Variants in KCNH8 observed in about 807,000 individuals in gnomAD.
The protein encoded by KCNH8 is voltage-gated delayed rectifier potassium channel KCNH8.
Under a neutral mutation model 103.6 loss-of-function variants are expected in KCNH8, and 70 were observed. The observed-to-expected ratio is 0.68, with a 90% CI of 0.56 to 0.82. KCNH8 has a LOEUF of 0.82. KCNH8 is among the 40% of genes least tolerant of loss of function. KCNH8 has a pLI of 0.00. For synonymous variants in KCNH8, 498 were observed against 489.4 expected, an observed-to-expected ratio of 1.02 and a Z score of -0.23; for missense variants, 1,217 against 1,329.9, an observed-to-expected ratio of 0.92 and a Z score of 1.32.
At chr3:19,524,060 A>G (rs1575173452) in intron 15 of KCNH8, among the ~76,000 whole-genome samples, 1 of 152,004 alleles carries the variant, frequency 6.6e-6, no homozygotes, top group East Asian at 1.9e-4. Flanking sequence ...AAATGCCTAC[A>G]GAAGAAACAG....
intron 11 of KCNH8, among the ~76,000 whole-genome samples, chr3:19,501,926 G>A (rs529267044): frequency 3.3e-5 from 5 of 152,110 alleles, no homozygotes; most frequent in African/African-American, 9.7e-5. Flanking sequence ...TTCTGGCCAG[G>A]GCAATTAGGA....
chr3:19,435,738 A>G (rs556986802), intron 7 of KCNH8, among the ~76,000 whole-genome samples: 52 of 152,340 alleles, frequency 3.4e-4, no homozygotes, highest in African/African-American at 1.1e-3. Context: ...GTGGTTTTTC[A>G]TATTACTGAA....
At chr3:19,496,512 T>C (rs868788057) in intron 11 of KCNH8, among the ~76,000 whole-genome samples, 9 of 152,220 alleles carry the variant, frequency 5.9e-5, no homozygotes, top group African/African-American at 1.7e-4. Flanking sequence ...TTTGTGTATG[T>C]TGAACCAACT....
intron 5 of KCNH8, among the ~76,000 whole-genome samples, chr3:19,353,820 G>A (rs904523862): frequency 6.6e-6 from 1 of 152,082 alleles, no homozygotes; most frequent in East Asian, 1.9e-4. Context: ...TTGAAAACTA[G>A]CACAAGACAA....
In KCNH8 at chr3:19,533,895, A is replaced by G. The variant is rs1422876903; in HGVS notation, c.3120A>G (p.Thr1040=). 1 of 1,614,124 alleles carries G rather than the reference A, an allele frequency of 6.2e-7. No individual in the cohort carries two copies. Among genetic ancestry groups the G allele is most frequent in the South Asian group, 1.1e-5 (1 of 91,086 alleles). The change falls in exon 16 of 16, where the codon ACA becomes ACG. Residue 1040 remains threonine, a synonymous_variant. Coordinates refer to ENST00000328405, the MANE Select transcript of KCNH8 (RefSeq NM_144633.3). ...LSSSVCSSSE[T]SLHLVLPSRS... ...CTTCTGTCTGCTCCTCTTCGGAAAC[A>G]TCTTTGCACCTAGTTCTCCCAAGCA...
rs2063644485 is a variant in KCNH8 at position 19,200,290 on chromosome 3, A to G, written c.76+51495A>G. Among the ~76,000 whole-genome samples the G allele has an allele frequency of 2.0e-5, 3 of 152,060 alleles. No individual in the cohort carries two copies. In the South Asian group the frequency reaches 6.2e-4, roughly 32 times the overall value. ...TGGCTGAAAATGTATTCAGACCGAA[A>G]CATAAGCACAAATAACTGGTAGTTT... On this transcript the variant is annotated intron_variant, in intron 1 of 15. Transcript: ENST00000328405.
intron 3 of KCNH8, among the ~76,000 whole-genome samples, chr3:19,299,093 A>G (rs901414271): frequency 6.6e-6 from 1 of 152,164 alleles, no homozygotes; most frequent in Admixed American, 6.5e-5. Context: ...GAAAGGTGAC[A>G]CTGACAGTGT....
chr3:19,165,716 T>G (rs2063276615), intron 1 of KCNH8, among the ~76,000 whole-genome samples: 1 of 152,192 alleles, frequency 6.6e-6, no homozygotes, highest in Non-Finnish European at 1.5e-5. Flanking sequence ...AGACTTGTTT[T>G]CTATGTTAGT....
chr3:19,212,045 G>A (rs2063776294), intron 1 of KCNH8, among the ~76,000 whole-genome samples: 2 of 152,172 alleles, frequency 1.3e-5, no homozygotes, highest in South Asian at 4.1e-4. Context: ...GAATAGGTCA[G>A]AAGATCAGGG....
At chr3:19,190,339 G>A (rs924358156) in intron 1 of KCNH8, among the ~76,000 whole-genome samples, 3 of 151,882 alleles carry the variant, frequency 2.0e-5, no homozygotes, top group South Asian at 2.1e-4. Context: ...CCAAGGTCTT[G>A]CCAAGAGCAA....
chr3:19,498,161 G>A (rs2068485800), intron 11 of KCNH8, among the ~76,000 whole-genome samples: 1 of 151,988 alleles, frequency 6.6e-6, no homozygotes, highest in Non-Finnish European at 1.5e-5. Context: ...TCTTGAAGAT[G>A]GCATACCAGG....
In KCNH8 at chr3:19,312,972, G is replaced by A. The variant is rs2065225445; in HGVS notation, c.443-29615G>A. Among the ~76,000 whole-genome samples the A allele has an allele frequency of 2.0e-5, 3 of 151,952 alleles. No individual in the cohort carries two copies. In the South Asian group the frequency reaches 6.2e-4, roughly 31 times the overall value. The stretch of plus-strand genomic sequence containing the variant: ...TGATTTCAGAATTGGATAAGTTCTA[G>A]TGTCCAGGATTTTCTGAAGATACTA... On this transcript the variant is annotated intron_variant, in intron 3 of 15. Coordinates refer to ENST00000328405, the MANE Select transcript of KCNH8 (RefSeq NM_144633.3).
At chr3:19,485,036 G>C (rs562710138) in intron 11 of KCNH8, among the ~76,000 whole-genome samples, 1 of 152,040 alleles carries the variant, frequency 6.6e-6, no homozygotes, top group Non-Finnish European at 1.5e-5. Context: ...AACTATTTTT[G>C]ATAGTCCGAT....
At chr3:19,152,182 A>G (rs2063137178) in intron 1 of KCNH8, among the ~76,000 whole-genome samples, 1 of 152,096 alleles carries the variant, frequency 6.6e-6, no homozygotes, top group African/African-American at 2.4e-5. Flanking sequence ...ATTTAAGAAA[A>G]TCTTTTCTGT....
At chr3:19,466,648 CATTTTT>C (rs2067742433) in intron 11 of KCNH8, among the ~76,000 whole-genome samples, 4 of 107,748 alleles carry the variant, frequency 3.7e-5, no homozygotes, top group African/African-American at 1.4e-4. Context: ...TGTAGCAATA[CATTTTT>C]TTTTTTTTTT....
At chr3:19,179,848 G>A (rs1329552261) in intron 1 of KCNH8, among the ~76,000 whole-genome samples, 1 of 152,088 alleles carries the variant, frequency 6.6e-6, no homozygotes, top group Non-Finnish European at 1.5e-5. Flanking sequence ...AATGACATTC[G>A]TGGTGGTTTT....
intron 10 of KCNH8, 64 bp downstream of exon 10, chr3:19,451,468 TG>T: frequency 6.7e-7 from 1 of 1,501,692 alleles, no homozygotes. Context: ...GAAGATGAAA[TG>T]GGGGAAAAAA....
chr3:19,186,705 T>TCA (rs2063505765), intron 1 of KCNH8, among the ~76,000 whole-genome samples: 1 of 152,016 alleles, frequency 6.6e-6, no homozygotes, highest in African/African-American at 2.4e-5. Context: ...AGGCAGATGT[T>TCA]ACGAAGTTCA....
At chr3:19,493,589 T>C (rs1454123883) in intron 11 of KCNH8, among the ~76,000 whole-genome samples, 1 of 152,190 alleles carries the variant, frequency 6.6e-6, no homozygotes, top group African/African-American at 2.4e-5. Flanking sequence ...TATACCCCTT[T>C]TCTTTATAAA....
Sources: allele counts gnomAD v4.1 joint callset (sites outside exome capture counted in the v4.1 genomes callset), GRCh38; gene constraint gnomAD v4.1.1; transcripts MANE v1.5; gene names NCBI Gene and HGNC (gene_info 2026-07-23, HGNC 2026-07-21).